PCSK6: variants seen among roughly 807,000 people sequenced by gnomAD.
PCSK6 encodes proprotein convertase subtilisin/kexin type 6, also known as paired basic amino acid cleaving enzyme 4.
In PCSK6, 85 loss-of-function variants were observed where a neutral mutation model predicts 123.3. That is an observed-to-expected ratio of 0.69 (90% CI 0.58 to 0.83). The LOEUF (loss-of-function observed/expected upper bound fraction) is 0.83, where lower values mean the gene tolerates loss of function less well. Ranked by LOEUF, PCSK6 falls within the 40% of genes least tolerant of loss-of-function variation. The pLI is 0.00. For missense variants in PCSK6, 1,191 were observed against 1,282.3 expected, an observed-to-expected ratio of 0.93 and a Z score of 1.09; for synonymous variants, 508 against 516.0, an observed-to-expected ratio of 0.98 and a Z score of 0.21.
chr15:101,467,996 A>G (rs938000537), intron 1 of PCSK6, among the ~76,000 whole-genome samples: 1 of 152,238 alleles, frequency 6.6e-6, no homozygotes, highest in Non-Finnish European at 1.5e-5. Context: ...TATACTTTGT[A>G]TAACCAACAA....
chr15:101,366,789 A>C (rs1046285154), intron 12 of PCSK6, among the ~76,000 whole-genome samples: 2 of 152,226 alleles, frequency 1.3e-5, no homozygotes, highest in African/African-American at 2.4e-5. Context: ...CGAAGCCCAG[A>C]GAGTGCTCAC....
At chr15:101,488,767 G>T (rs1208044913) in intron 1 of PCSK6, among the ~76,000 whole-genome samples, 2 of 151,386 alleles carry the variant, frequency 1.3e-5, no homozygotes, top group African/African-American at 4.9e-5. Context: ...CCTCTCCGAC[G>T]GCGGCCGGGC....
At chr15:101,344,777 G>C (rs575042189) in intron 13 of PCSK6, among the ~76,000 whole-genome samples, 2 of 152,152 alleles carry the variant, frequency 1.3e-5, no homozygotes, top group Admixed American at 6.5e-5. Context: ...TCAGCCTCTT[G>C]AGTAGCTGGG....
At chr15:101,406,776 G>A (rs1431594988) in intron 6 of PCSK6, among the ~76,000 whole-genome samples, 1 of 152,098 alleles carries the variant, frequency 6.6e-6, no homozygotes, top group Non-Finnish European at 1.5e-5. Flanking sequence ...GTGTGGGGAC[G>A]CGCGGGGGAT....
At chr15:101,438,508 T>C (rs1424390788) in intron 2 of PCSK6, among the ~76,000 whole-genome samples, 1 of 152,246 alleles carries the variant, frequency 6.6e-6, no homozygotes, top group Non-Finnish European at 1.5e-5. Flanking sequence ...ATATGTGGCC[T>C]TGACCCTCGA....
At chr15:101,315,383 T>G (rs1299106027) in intron 19 of PCSK6, among the ~76,000 whole-genome samples, 1 of 152,250 alleles carries the variant, frequency 6.6e-6, no homozygotes, top group Admixed American at 6.5e-5. Flanking sequence ...TCAGTGAAAG[T>G]CTTTTAAGGA....
intron 1 of PCSK6, among the ~76,000 whole-genome samples, chr15:101,480,799 A>G (rs7167581): frequency 0.14 from 21,500 of 152,238 alleles, 1,792 homozygotes; most frequent in East Asian, 0.35. Flanking sequence ...CAGCATCACA[A>G]AGAGGGTGTC....
intron 1 of PCSK6, among the ~76,000 whole-genome samples, chr15:101,482,623 C>T (rs752753566): frequency 4.6e-5 from 7 of 152,186 alleles, no homozygotes; most frequent in South Asian, 2.1e-4. Flanking sequence ...GTGTCCCTGT[C>T]ACCACCCAAA....
At chr15:101,414,003 C>A (rs1010149901) in intron 6 of PCSK6, among the ~76,000 whole-genome samples, 2 of 152,084 alleles carry the variant, frequency 1.3e-5, no homozygotes, top group African/African-American at 4.8e-5. Context: ...AAAACGTATA[C>A]TGTACAACCA....
At chr15:101,404,951 A>G (rs1003352041) in intron 6 of PCSK6, among the ~76,000 whole-genome samples, 1 of 152,238 alleles carries the variant, frequency 6.6e-6, no homozygotes, top group African/African-American at 2.4e-5. Context: ...CCAAAAATAC[A>G]TAAAAACATA....
chr15:101,454,720 A>G (rs915874387), intron 1 of PCSK6, among the ~76,000 whole-genome samples: 1 of 152,066 alleles, frequency 6.6e-6, no homozygotes, highest in Non-Finnish European at 1.5e-5. Flanking sequence ...GCAGGTGGAC[A>G]GATCACATGA....
At chr15:101,419,893 G>C (rs963489661) in intron 6 of PCSK6, among the ~76,000 whole-genome samples, 1 of 151,906 alleles carries the variant, frequency 6.6e-6, no homozygotes, top group Non-Finnish European at 1.5e-5. Flanking sequence ...GGATCAAAAA[G>C]CTGAACAGAA....
At chr15:101,359,645 A>C (rs962026147) in intron 13 of PCSK6, among the ~76,000 whole-genome samples, 1 of 152,254 alleles carries the variant, frequency 6.6e-6, no homozygotes, top group Non-Finnish European at 1.5e-5. Context: ...GCAGGCAGCA[A>C]GCAGGGAGCT....
At chr15:101,363,002 G>A (rs907437393) in intron 13 of PCSK6, among the ~76,000 whole-genome samples, 1 of 152,236 alleles carries the variant, frequency 6.6e-6, no homozygotes, top group Non-Finnish European at 1.5e-5. Flanking sequence ...CAGTGGATGG[G>A]AGTGGGCTGG....
chr15:101,488,523 G>A (rs1243961332), intron 1 of PCSK6, among the ~76,000 whole-genome samples: 1 of 152,180 alleles, frequency 6.6e-6, no homozygotes, highest in Non-Finnish European at 1.5e-5. Context: ...GTGGGGGCCG[G>A]TGAGGGTCAG....
At chr15:101,325,766 G>A (rs1041298112) in intron 16 of PCSK6, among the ~76,000 whole-genome samples, 3 of 152,240 alleles carry the variant, frequency 2.0e-5, no homozygotes, top group Non-Finnish European at 2.9e-5. Context: ...CCCAGGGCCT[G>A]ACTGCAGAGG....
In PCSK6 at chr15:101,340,453, CT is replaced by C. The variant is rs74780114; in HGVS notation, c.1859-8423del. Reference sequence around the variant, plus strand: ...AATGGCATCTATAAGGTCATTCTATCTTTTAAGATGCTCCAGCTTTTCCAAA... The same window carrying C: ...AATGGCATCTATAAGGTCATTCTATCTTTAAGATGCTCCAGCTTTTCCAAA... On this transcript the variant is annotated intron_variant, in intron 13 of 21. Coordinates refer to ENST00000611716, the MANE Select transcript of PCSK6 (RefSeq NM_002570.5). Among the ~76,000 whole-genome samples the C allele has an allele frequency of 0.012, 1,847 of 152,290 alleles. 98 individuals carry two copies. The East Asian group carries it at 0.15, about 13-fold the overall frequency.
At chr15:101,344,233 T>C (rs1409054716) in intron 13 of PCSK6, among the ~76,000 whole-genome samples, 4 of 152,248 alleles carry the variant, frequency 2.6e-5, no homozygotes, top group African/African-American at 9.6e-5. Flanking sequence ...ATCCGAGGTA[T>C]GCTAAATCTC....
chr15:101,455,901 T>C (rs2141188371), intron 1 of PCSK6, among the ~76,000 whole-genome samples: 1 of 152,320 alleles, frequency 6.6e-6, no homozygotes, highest in Admixed American at 6.5e-5. Flanking sequence ...CTTTGTGCAA[T>C]TTTCATATGG....
Sources: gnomAD v4.1 joint callset for allele counts (sites outside exome capture counted in the v4.1 genomes callset) on GRCh38, gnomAD v4.1.1 for gene constraint, MANE v1.5 for transcripts, NCBI Gene and HGNC (gene_info 2026-07-23, HGNC 2026-07-21) for gene names.